The following PPFIA2 variants were observed in gnomAD, a reference collection of about 807,000 sequenced individuals.
PPFIA2 encodes the protein liprin-alpha-2.
PPFIA2 carries 46 observed loss-of-function variants against 175.5 expected under a neutral mutation model. The ratio of observed to expected loss-of-function variants is 0.26; its 90% CI spans 0.21 to 0.34. The LOEUF (loss-of-function observed/expected upper bound fraction) is 0.34, where lower values mean the gene tolerates loss of function less well. PPFIA2 is among the 10% of genes least tolerant of loss of function. The pLI, the probability that PPFIA2 is intolerant of heterozygous loss-of-function variation, is 1.00. For missense variants in PPFIA2, 1,179 were observed against 1,506.1 expected (o/e 0.78, Z 3.60); for synonymous variants, 568 against 511.4 (o/e 1.11, Z -1.49).
intron 4 of PPFIA2, among the ~76,000 whole-genome samples, chr12:81,492,798 A>G (rs183826184): frequency 4.6e-4 from 70 of 152,234 alleles, no homozygotes; most frequent in Admixed American, 3.0e-3. Context: ...GTATAAATGT[A>G]ATCCTTTCAG....
At chr12:81,579,641 A>G (rs1345123049) in intron 4 of PPFIA2, among the ~76,000 whole-genome samples, 1 of 151,832 alleles carries the variant, frequency 6.6e-6, no homozygotes, top group Non-Finnish European at 1.5e-5. Flanking sequence ...TTGGCTTACG[A>G]AGGAAATAAT....
rs183443316 is a variant in PPFIA2, at chr12:81,566,796, C to T, written c.304-108930G>A. Among the ~76,000 whole-genome samples the T allele has an allele frequency of 1.2e-3, 183 of 152,170 alleles. 1 individual carries two copies. The highest frequency in any genetic ancestry group is 6.8e-3 in the Middle Eastern group (2 of 294). ...TAGAACATGTGTGACTGTATTTATACAAGATACATGTGCAACTGATGCCAT... is the reference window on the plus strand; with the variant it reads ...TAGAACATGTGTGACTGTATTTATATAAGATACATGTGCAACTGATGCCAT... On this transcript the variant is annotated intron_variant, in intron 4 of 32. Transcript: ENST00000549396.
intron 7 of PPFIA2, among the ~76,000 whole-genome samples, chr12:81,436,524 C>T (rs2049077233): frequency 6.6e-6 from 1 of 151,748 alleles, no homozygotes; most frequent in South Asian, 2.1e-4. Context: ...AGTTCTTATC[C>T]TAAAGCTGCT....
chr12:81,682,335 T>C (rs2073789852), intron 3 of PPFIA2, among the ~76,000 whole-genome samples: 1 of 152,020 alleles, frequency 6.6e-6, no homozygotes, highest in East Asian at 1.9e-4. Context: ...TGCAAACACC[T>C]TCATCTTGGA....
At chr12:81,371,313 A>AG (rs368942071) in intron 11 of PPFIA2, among the ~76,000 whole-genome samples, 143,028 of 143,332 alleles carry the variant, frequency 1, 71,362 homozygotes, top group Middle Eastern at 1. Flanking sequence ...AATATTATTT[A>AG]AATTTTAGAG....
chr12:81,442,625 A>C (rs956296506), intron 6 of PPFIA2, among the ~76,000 whole-genome samples: 1 of 151,220 alleles, frequency 6.6e-6, no homozygotes, highest in Non-Finnish European at 1.5e-5. Context: ...TAATTTCAAA[A>C]TTACTGATGG....
intron 4 of PPFIA2, among the ~76,000 whole-genome samples, chr12:81,468,571 G>A (rs747649660): frequency 2.0e-5 from 3 of 152,176 alleles, no homozygotes; most frequent in Non-Finnish European, 4.4e-5. Context: ...ACACAAAATA[G>A]CATTCGAGCT....
chr12:81,390,229 A>C, intron 8 of PPFIA2, among the ~76,000 whole-genome samples: 1 of 152,030 alleles, frequency 6.6e-6, no homozygotes, highest in East Asian at 1.9e-4. Context: ...GGCTACTATA[A>C]ATAACTGCCG....
At chr12:81,377,898 G>A (rs1324107728) in intron 9 of PPFIA2, 1 of 152,112 alleles carries the variant, frequency 6.6e-6, no homozygotes, top group Non-Finnish European at 1.5e-5. Context: ...GTGACCTTAT[G>A]TGCAAATAAG....
At chr12:81,620,092 G>T (rs564825838) in intron 4 of PPFIA2, among the ~76,000 whole-genome samples, 1 of 147,750 alleles carries the variant, frequency 6.8e-6, no homozygotes. Flanking sequence ...CCTGGGAGGC[G>T]GAGCTTGCAG....
At chr12:81,483,790 A>T (rs2058513630) in intron 4 of PPFIA2, among the ~76,000 whole-genome samples, 1 of 152,134 alleles carries the variant, frequency 6.6e-6, no homozygotes, top group African/African-American at 2.4e-5. Context: ...TCTGAAGTTT[A>T]ATATTTTCAA....
intron 8 of PPFIA2, among the ~76,000 whole-genome samples, chr12:81,399,536 G>A (rs968793887): frequency 6.6e-5 from 10 of 151,994 alleles, no homozygotes; most frequent in South Asian, 2.1e-4. Flanking sequence ...CAGACCTTTC[G>A]TTATGTGCTT....
intron 5 of PPFIA2, among the ~76,000 whole-genome samples, chr12:81,457,251 TGGGATTACAGGCATGA>T (rs2053738526): frequency 6.6e-6 from 1 of 151,742 alleles, no homozygotes. Flanking sequence ...CCCAAAGTGC[TGGGATTACAGGCATGA>T]GGCATCGCGT....
intron 4 of PPFIA2, among the ~76,000 whole-genome samples, chr12:81,633,691 C>A (rs780882698): frequency 6.6e-6 from 1 of 151,944 alleles, no homozygotes; most frequent in South Asian, 2.1e-4. Flanking sequence ...AACTAAGGAT[C>A]GCATTTATAT....
At chr12:81,646,743 C>G (rs2066141200) in intron 4 of PPFIA2, among the ~76,000 whole-genome samples, 1 of 152,118 alleles carries the variant, frequency 6.6e-6, no homozygotes, top group Non-Finnish European at 1.5e-5. Context: ...TCTGCTAACT[C>G]AAACTCCAAG....
intron 28 of PPFIA2, chr12:81,270,833 C>T (rs2038879460): frequency 6.6e-6 from 1 of 152,144 alleles, no homozygotes; most frequent in Non-Finnish European, 1.5e-5. Flanking sequence ...GAACTGAAAA[C>T]GTCTGCTACT....
At chr12:81,327,821 C>G (rs1177264586) in intron 21 of PPFIA2, among the ~76,000 whole-genome samples, 4 of 151,820 alleles carry the variant, frequency 2.6e-5, no homozygotes, top group Non-Finnish European at 4.4e-5. Context: ...TGAGTTAAAT[C>G]TAGACATTTT....
Position 81,375,904 on chromosome 12 carries a change from T to C in PPFIA2, c.1023A>G (p.Thr341=). Reference sequence around the variant, plus strand: ...CACTGAGGTAACGCTTTTCAAGGGTTGTAATTCTTTCTTCCATATCTTCCT... The same window carrying C: ...CACTGAGGTAACGCTTTTCAAGGGTCGTAATTCTTTCTTCCATATCTTCCT... The part of the protein sequence containing the change: ...AQKEDMEERI[T]TLEKRYLSAQ... The change falls in exon 10 of 33, where the codon ACA becomes ACG. Residue 341 remains threonine, a synonymous_variant. Coordinates refer to ENST00000549396, the MANE Select transcript of PPFIA2 (RefSeq NM_003625.5). 1 of 1,613,436 alleles carries C rather than the reference T, an allele frequency of 6.2e-7. No homozygotes were observed. Among genetic ancestry groups the C allele is most frequent in the Non-Finnish European group, 8.5e-7 (1 of 1,179,514 alleles).
At chr12:81,536,518 AC>A (rs1353851973) in intron 4 of PPFIA2, among the ~76,000 whole-genome samples, 1 of 151,164 alleles carries the variant, frequency 6.6e-6, no homozygotes, top group Admixed American at 6.6e-5. Context: ...AAAAAAGAAA[AC>A]TTTTCCTTAA....
Sources: gnomAD v4.1 joint callset for allele counts (sites outside exome capture counted in the v4.1 genomes callset) on GRCh38, gnomAD v4.1.1 for gene constraint, MANE v1.5 for transcripts, NCBI Gene and HGNC (gene_info 2026-07-23, HGNC 2026-07-21) for gene names.